DAB1: variants seen among roughly 807,000 people sequenced by gnomAD.
DAB1 encodes the protein DAB adaptor protein 1, also known as disabled homolog 1.
Under a neutral mutation model 64.6 loss-of-function variants are expected in DAB1, and 15 were observed. The ratio of observed to expected loss-of-function variants is 0.23; its 90% CI spans 0.16 to 0.36. DAB1 has a LOEUF of 0.36. Among genes scored for constraint, DAB1 ranks in the 10% least tolerant of loss-of-function variants. The probability of loss-of-function intolerance (pLI) is 1.00; values close to 1 mark genes in which losing one functional copy is unlikely to be tolerated. For synonymous variants in DAB1, 235 were observed against 251.9 expected (o/e 0.93, Z 0.64); for missense variants, 596 against 706.7 (o/e 0.84, Z 1.78).
chr1:57,734,955 A>G (rs1049652955), intron 6 of DAB1, among the ~76,000 whole-genome samples: 2 of 152,228 alleles, frequency 1.3e-5, no homozygotes, highest in African/African-American at 2.4e-5. Flanking sequence ...ATTGTTTTCT[A>G]TTGTAACTGC....
chr1:58,296,229 GAAAGA>G (rs1295897935), intron 4 of DAB1, among the ~76,000 whole-genome samples: 2 of 150,268 alleles, frequency 1.3e-5, no homozygotes, highest in African/African-American at 4.9e-5. Flanking sequence ...AAGAAAGAAA[GAAAGA>G]AAGAAAGAAA....
At chr1:57,992,198 C>A (rs1646354230) in intron 5 of DAB1, among the ~76,000 whole-genome samples, 1 of 152,162 alleles carries the variant, frequency 6.6e-6, no homozygotes, top group Admixed American at 6.5e-5. Flanking sequence ...GAACCTAATC[C>A]ATGCAGTTAG....
intron 4 of DAB1, among the ~76,000 whole-genome samples, chr1:57,111,854 C>T (rs1423055076): frequency 6.6e-6 from 1 of 152,116 alleles, no homozygotes; most frequent in East Asian, 1.9e-4. Flanking sequence ...AGATAAATGA[C>T]TAAATAATCT....
At position 58,174,177 on chromosome 1, in the gene DAB1, T is replaced by A. The variant is rs564587687; in HGVS notation, n.310-23589A>T. Reference sequence around the variant, plus strand: ...TTACACTAACCAGTTGGGGATAGTATGAAATGTCACCTGGCATTTACAGGA... The same window carrying A: ...TTACACTAACCAGTTGGGGATAGTAAGAAATGTCACCTGGCATTTACAGGA... On this transcript the variant is annotated intron_variant and non_coding_transcript_variant, in intron 4 of 20. Transcript: ENST00000485760. Among the ~76,000 whole-genome samples the A allele has an allele frequency of 1.3e-5, 2 of 152,218 alleles. 1 individual carries two copies. The highest frequency in any genetic ancestry group is 4.8e-5 in the African/African-American group (2 of 41,452).
intron 5 of DAB1, among the ~76,000 whole-genome samples, chr1:57,987,794 G>C (rs758074575): frequency 1.3e-5 from 2 of 152,050 alleles, no homozygotes; most frequent in Admixed American, 1.3e-4. Context: ...GGAGGGAATG[G>C]AGAGTGCTGT....
chr1:57,196,294 T>C (rs151261033), intron 2 of DAB1, among the ~76,000 whole-genome samples: 3 of 152,362 alleles, frequency 2.0e-5, no homozygotes, highest in African/African-American at 7.2e-5. Context: ...GAGCCAGTTT[T>C]ATCTACGTTA....
intron 3 of DAB1, among the ~76,000 whole-genome samples, chr1:58,458,841 A>C (rs946572484): frequency 1.3e-5 from 2 of 152,142 alleles, no homozygotes; most frequent in Non-Finnish European, 2.9e-5. Context: ...AAAAAAAAAA[A>C]ACGGTTTGCA....
intron 2 of DAB1, among the ~76,000 whole-genome samples, chr1:57,147,053 C>T (rs1440964291): frequency 6.9e-6 from 1 of 144,260 alleles, no homozygotes; most frequent in Non-Finnish European, 1.5e-5. Flanking sequence ...TTTTTTGAAA[C>T]AGTATCTCAC....
At chr1:57,521,276 C>T (rs1644522957) in intron 7 of DAB1, among the ~76,000 whole-genome samples, 1 of 152,096 alleles carries the variant, frequency 6.6e-6, no homozygotes, top group South Asian at 2.1e-4. Context: ...GACTGGGGAA[C>T]AAAGCCAATT....
At chr1:57,160,943 C>T (rs374287278) in intron 2 of DAB1, among the ~76,000 whole-genome samples, 6 of 152,218 alleles carry the variant, frequency 3.9e-5, no homozygotes, top group African/African-American at 9.6e-5. Flanking sequence ...AAAACTCCCA[C>T]GGGATAGTGG....
chr1:57,349,192 C>A (rs1678370831), intron 1 of DAB1, among the ~76,000 whole-genome samples: 1 of 152,282 alleles, frequency 6.6e-6, no homozygotes, highest in South Asian at 2.1e-4. Flanking sequence ...TTCAACACAG[C>A]CCACTTTTGT....
intron 2 of DAB1, among the ~76,000 whole-genome samples, chr1:57,239,213 C>T (rs747464334): frequency 3.3e-5 from 5 of 152,150 alleles, no homozygotes; most frequent in Non-Finnish European, 7.4e-5. Flanking sequence ...ACTCAGAAGT[C>T]ATCTCTCCAG....
Position 57,439,427 on chromosome 1 carries a change from T to G in DAB1, n.626-148261A>C, listed in dbSNP as rs866554960. Among the ~76,000 whole-genome samples the G allele has an allele frequency of 3.1e-3, 360 of 114,586 alleles. 9 individuals are homozygous for G. The highest frequency in any genetic ancestry group is 0.013 in the African/African-American group (345 of 26,902). The allele number at this position is 114,586 out of a possible 152,430, so 75.2% of individuals were successfully genotyped here. ...TCAACTTGGTGATGAGGTTTTTTCT[T>G]TTTTTTTTTTTTTTTTTTTTGAGAC... On this transcript the variant is annotated intron_variant and non_coding_transcript_variant, in intron 7 of 20. Transcript: ENST00000485760.
chr1:58,512,734 T>A (rs1646099818), intron 2 of DAB1, among the ~76,000 whole-genome samples: 1 of 152,136 alleles, frequency 6.6e-6, no homozygotes, highest in Non-Finnish European at 1.5e-5. Context: ...ATAGTGTTTG[T>A]CAGGGAGTGG....
chr1:57,136,155 AAG>A (rs1658060416), intron 4 of DAB1, among the ~76,000 whole-genome samples: 2 of 152,268 alleles, frequency 1.3e-5, no homozygotes, highest in South Asian at 4.1e-4. Flanking sequence ...GGTTAAACTC[AAG>A]AGAGTCTGGA....
At chr1:57,577,452 T>A (rs1645263645) in intron 7 of DAB1, among the ~76,000 whole-genome samples, 1 of 152,034 alleles carries the variant, frequency 6.6e-6, no homozygotes, top group Admixed American at 6.5e-5. Flanking sequence ...AATTCAGTTG[T>A]TCACAGCCTT....
intron 4 of DAB1, among the ~76,000 whole-genome samples, chr1:57,136,288 A>T (rs1022489342): frequency 6.6e-6 from 1 of 152,192 alleles, no homozygotes; most frequent in Non-Finnish European, 1.5e-5. Context: ...TTCAAAGCTC[A>T]TCAATCTCCC....
At chr1:58,164,189 T>TAAAAAAAAAAAAAAAAAAAAAAAAAA in intron 4 of DAB1, among the ~76,000 whole-genome samples, 1 of 115,474 alleles carries the variant, frequency 8.7e-6, no homozygotes, top group Non-Finnish European at 1.8e-5. Flanking sequence ...GAGCTCAGCT[T>TAAAAAAAAAAAAAAAAAAAAAAAAAA]AAAAAAAAAA....
At chr1:57,852,677 T>C (rs1391992509) in intron 1 of DAB1, among the ~76,000 whole-genome samples, 3 of 152,136 alleles carry the variant, frequency 2.0e-5, no homozygotes, top group African/African-American at 7.2e-5. Flanking sequence ...TCCCAGATTT[T>C]AATCACTACA....
Sources: gnomAD v4.1 joint callset for allele counts (sites outside exome capture counted in the v4.1 genomes callset) on GRCh38, gnomAD v4.1.1 for gene constraint, MANE v1.5 for transcripts, NCBI Gene and HGNC (gene_info 2026-07-23, HGNC 2026-07-21) for gene names.